The following NCALD variants were observed in gnomAD, a reference collection of about 807,000 sequenced individuals.
NCALD encodes the protein neurocalcin delta, also known as neurocalcin-delta.
In NCALD, 10 loss-of-function variants were observed where a neutral mutation model predicts 18.6. The observed-to-expected ratio is 0.54, with a 90% CI of 0.33 to 0.91. The LOEUF (loss-of-function observed/expected upper bound fraction) is 0.91. Ranked by LOEUF, NCALD falls within the 40% of genes least tolerant of loss-of-function variation. The pLI is 0.03. For missense variants in NCALD, 184 were observed against 247.6 expected, an observed-to-expected ratio of 0.74 and a Z score of 1.72; for synonymous variants, 88 against 87.4, an observed-to-expected ratio of 1.01 and a Z score of -0.04.
chr8:101,850,355 G>A (rs939437201), intron 4 of NCALD, among the ~76,000 whole-genome samples: 1 of 152,092 alleles, frequency 6.6e-6, no homozygotes, highest in Non-Finnish European at 1.5e-5. Context: ...AGAACAAACT[G>A]CTTCTTAACA....
chr8:101,991,034 T>A lies in NCALD; in HGVS notation c.-157+29203A>T, dbSNP rs60044673. On this transcript the variant is annotated intron_variant, in intron 2 of 6. Coordinates refer to the NCALD transcript ENST00000311028. ...ATATTCTGCTCCATCTTAGCTAGGCTCTAATTTGGTTCTGTGAATGGCAGT... is the reference window on the plus strand; with the variant it reads ...ATATTCTGCTCCATCTTAGCTAGGCACTAATTTGGTTCTGTGAATGGCAGT... 1.6e-4 allele frequency among the ~76,000 whole-genome samples: 25 copies of A among 152,350 alleles called. No individual in the cohort carries two copies. In the East Asian group the frequency reaches 4.8e-3, roughly 29 times the overall value.
chr8:102,032,795 G>T (rs908957165), intron 1 of NCALD, among the ~76,000 whole-genome samples: 4 of 152,114 alleles, frequency 2.6e-5, no homozygotes, highest in Non-Finnish European at 5.9e-5. Context: ...GAGGATGTCA[G>T]CCAGCCAGTT....
rs1434418789 is a variant in NCALD at position 101,747,881 on chromosome 8, C to A, written c.-19-28233G>T. 5.3e-5 allele frequency among the ~76,000 whole-genome samples: 8 copies of A among 152,130 alleles called. No individual in the cohort carries two copies. The East Asian group carries it at 1.2e-3, about 22-fold the overall frequency. ...TACAGGTGCCCGCCACAACACCTGG[C>A]TAATTTTTGCATTTTTAGTAGAGAC... On this transcript the variant is annotated intron_variant, in intron 1 of 3. Coordinates refer to ENST00000220931, the MANE Select transcript of NCALD (RefSeq NM_032041.3).
At chr8:102,020,873 G>C (rs1373566238) in intron 1 of NCALD, among the ~76,000 whole-genome samples, 1 of 151,984 alleles carries the variant, frequency 6.6e-6, no homozygotes, top group African/African-American at 2.4e-5. Flanking sequence ...ACTTCCTTCA[G>C]TTCCTCCTCA....
At chr8:101,971,812 G>A (rs1820251347) in intron 2 of NCALD, among the ~76,000 whole-genome samples, 1 of 152,114 alleles carries the variant, frequency 6.6e-6, no homozygotes, top group Admixed American at 6.5e-5. Flanking sequence ...CACTGACCTG[G>A]CCTCTTGACT....
intron 1 of NCALD, among the ~76,000 whole-genome samples, chr8:101,755,765 T>C (rs1179288046): frequency 6.6e-6 from 1 of 152,174 alleles, no homozygotes; most frequent in African/African-American, 2.4e-5. Flanking sequence ...AACAGCAAAA[T>C]AGGAGAAAAC....
chr8:101,763,966 C>CTCTCTCCA (rs1491550100), intron 1 of NCALD, among the ~76,000 whole-genome samples: 3 of 85,172 alleles, frequency 3.5e-5, no homozygotes, highest in African/African-American at 1.2e-4. Flanking sequence ...CTCTCTCTCT[C>CTCTCTCCA]CACACACACA....
intron 2 of NCALD, among the ~76,000 whole-genome samples, chr8:102,006,568 T>A (rs1373392528): frequency 6.6e-6 from 1 of 152,176 alleles, no homozygotes; most frequent in Non-Finnish European, 1.5e-5. Context: ...CTTGTTGAGT[T>A]CCTCTAACAG....
At chr8:102,012,314 TC>T (rs1821932493) in intron 2 of NCALD, among the ~76,000 whole-genome samples, 1 of 152,226 alleles carries the variant, frequency 6.6e-6, no homozygotes. Context: ...TGTCATTTTC[TC>T]TAATTAAGGA....
chr8:101,947,740 C>T (rs958957997), intron 2 of NCALD, among the ~76,000 whole-genome samples: 21 of 152,176 alleles, frequency 1.4e-4, no homozygotes, highest in Admixed American at 5.2e-4. Context: ...AGGCACTTAA[C>T]AAAGGCTAGA....
At position 101,688,605 on chromosome 8, in the gene NCALD, C is replaced by T. The variant is rs1037921041; in HGVS notation, c.*704G>A. The stretch of plus-strand genomic sequence containing the variant: ...CTTTTTATTTTATCACAATAGGCAA[C>T]AAGATGGGTCTGGTTTTGGAATATG... On this transcript the variant is annotated 3_prime_UTR_variant, in exon 4 of 4. Transcript: ENST00000220931. 8.8e-6 allele frequency: 4 copies of T among 455,982 alleles called. No individual in the cohort carries two copies. Among genetic ancestry groups the T allele is most frequent in the South Asian group, 1.6e-5 (1 of 64,446 alleles). 28.2% of individuals were successfully genotyped at this position (455,982 alleles called of 1,614,324 possible). A position where few individuals can be genotyped will look rare whatever the true frequency, so the allele number is the denominator to read the frequency against.
At chr8:101,772,583 A>G (rs1811629348) in intron 1 of NCALD, among the ~76,000 whole-genome samples, 1 of 152,174 alleles carries the variant, frequency 6.6e-6, no homozygotes, top group Non-Finnish European at 1.5e-5. Context: ...TTTCTGGGTT[A>G]TCAATTCTCT....
intron 1 of NCALD, among the ~76,000 whole-genome samples, chr8:102,107,376 T>C (rs1825500875): frequency 6.6e-6 from 1 of 151,898 alleles, no homozygotes; most frequent in Non-Finnish European, 1.5e-5. Flanking sequence ...TGATACATTT[T>C]GTTTGGCATT....
chr8:101,785,540 C>T lies in NCALD; in HGVS notation c.-20+5322G>A, dbSNP rs1187334211. 4.6e-5 allele frequency among the ~76,000 whole-genome samples: 7 copies of T among 152,098 alleles called. No individual in the cohort carries two copies. In the East Asian group the frequency reaches 5.8e-4, roughly 13 times the overall value. On this transcript the variant is annotated intron_variant, in intron 1 of 3. Transcript: ENST00000220931. Reference sequence around the variant, plus strand: ...GAGGACTGTGTGGAGCAGAGCCCTTCGCCCAATCCTGATTTCTGGGTGAGT... The same window carrying T: ...GAGGACTGTGTGGAGCAGAGCCCTTTGCCCAATCCTGATTTCTGGGTGAGT...
chr8:102,005,953 A>T (rs1379778788), intron 2 of NCALD, among the ~76,000 whole-genome samples: 2 of 151,952 alleles, frequency 1.3e-5, no homozygotes, highest in East Asian at 3.9e-4. Flanking sequence ...TGGGTGCAGC[A>T]CACCAACATG....
intron 2 of NCALD, among the ~76,000 whole-genome samples, chr8:101,943,805 G>A (rs572963987): frequency 6.6e-6 from 1 of 152,226 alleles, no homozygotes; most frequent in South Asian, 2.1e-4. Context: ...GCCAGGCATG[G>A]TGGCGGGCTC....
chr8:101,767,157 G>A (rs1221054235), intron 1 of NCALD, among the ~76,000 whole-genome samples: 4 of 152,172 alleles, frequency 2.6e-5, no homozygotes, highest in African/African-American at 9.6e-5. Context: ...AGTTTGGCCA[G>A]TTACATAGAC....
chr8:102,048,378 CA>C (rs1203840910), intron 1 of NCALD, among the ~76,000 whole-genome samples: 4 of 152,196 alleles, frequency 2.6e-5, no homozygotes, highest in African/African-American at 4.8e-5. Context: ...GTCCATCCAG[CA>C]CTAACTCAGA....
intron 1 of NCALD, among the ~76,000 whole-genome samples, chr8:102,085,010 C>A (rs13248387): frequency 1.3e-5 from 2 of 152,048 alleles, no homozygotes; most frequent in Non-Finnish European, 2.9e-5. Context: ...TGCAGGTGTC[C>A]GTATCTTTTG....
Sources: gnomAD v4.1 joint callset for allele counts (sites outside exome capture counted in the v4.1 genomes callset) on GRCh38, gnomAD v4.1.1 for gene constraint, MANE v1.5 for transcripts, NCBI Gene and HGNC (gene_info 2026-07-23, HGNC 2026-07-21) for gene names.